The following CHRNB4 variants were observed in gnomAD, a reference collection of about 807,000 sequenced individuals.
CHRNB4 encodes the protein neuronal acetylcholine receptor subunit beta-4.
CHRNB4 carries 23 observed loss-of-function variants against 40.4 expected under a neutral mutation model. That is an observed-to-expected ratio of 0.57 (90% CI 0.41 to 0.81). The LOEUF (loss-of-function observed/expected upper bound fraction) is 0.81. Ranked by LOEUF, CHRNB4 falls within the 30% of genes least tolerant of loss-of-function variation. CHRNB4 has a pLI of 0.00. For missense variants in CHRNB4, 568 were observed against 670.6 expected, an observed-to-expected ratio of 0.85 and a Z score of 1.69; for synonymous variants, 285 against 274.4, an observed-to-expected ratio of 1.04 and a Z score of -0.38.
chr15:78,625,958 G>T, intron 5 of CHRNB4: 1 of 152,532 alleles, frequency 6.6e-6, no homozygotes, highest in Non-Finnish European at 1.5e-5. Flanking sequence ...CACTGGGGGA[G>T]AACCTAGAGA....
chr15:78,654,947 T>C (rs566293252), intron 5 of CHRNB4, among the ~76,000 whole-genome samples: 19 of 152,098 alleles, frequency 1.2e-4, no homozygotes, highest in African/African-American at 3.4e-4. Context: ...TTTAAGAGTT[T>C]CCCCCCACCC....
chr15:78,626,752 G>C (rs1238134369), intron 5 of CHRNB4: 1 of 152,214 alleles, frequency 6.6e-6, no homozygotes, highest in African/African-American at 2.4e-5. Flanking sequence ...TCCAGGGAGG[G>C]TTAGCAGTAA....
intron 2 of CHRNB4, among the ~76,000 whole-genome samples, chr15:78,632,300 CGTGT>C (rs368583386): frequency 7.0e-5 from 10 of 142,802 alleles, no homozygotes; most frequent in Admixed American, 4.4e-4. Context: ...TCTTTTCTTT[CGTGT>C]GTGTGTGTGT....
chr15:78,657,699 A>G (rs2054225642), intron 2 of CHRNB4, among the ~76,000 whole-genome samples: 1 of 151,328 alleles, frequency 6.6e-6, no homozygotes, highest in South Asian at 2.1e-4. Context: ...GACTACAGGC[A>G]CTCCCCACCA....
intron 5 of CHRNB4, among the ~76,000 whole-genome samples, chr15:78,652,831 C>T (rs1253946132): frequency 2.0e-5 from 3 of 152,116 alleles, no homozygotes; most frequent in Non-Finnish European, 2.9e-5. Flanking sequence ...TAGAGCATGT[C>T]GCAGTGATTT....
Position 78,631,334 on chromosome 15 carries a change from TG to T in CHRNB4, c.205-3del. 3 of 1,613,672 alleles carry T rather than the reference TG, an allele frequency of 1.9e-6. No homozygotes were observed. The highest frequency in any genetic ancestry group is 2.5e-6 in the Non-Finnish European group (3 of 1,179,928). On this transcript the variant is annotated splice_polypyrimidine_tract_variant and splice_region_variant and intron_variant, in intron 2 of 5. Coordinates refer to ENST00000261751, the MANE Select transcript of CHRNB4 (RefSeq NM_000750.5). ...GGTCATGATCTGCTCTCGCTCATTC[TG>T]GGGAGGGAAACGGGGCTATCAGTTC...
intron 1 of CHRNB4, among the ~76,000 whole-genome samples, chr15:78,659,095 A>G (rs1303829553): frequency 6.6e-6 from 1 of 152,112 alleles, no homozygotes; most frequent in African/African-American, 2.4e-5. Context: ...CCCTCATTCT[A>G]TGGGTGGTGG....
At chr15:78,640,970 G>T in intron 1 of CHRNB4, 109 bp downstream of exon 1, 1 of 1,262,672 alleles carries the variant, frequency 7.9e-7, no homozygotes, top group South Asian at 1.3e-5. Context: ...ACAATCTCGG[G>T]CCACTCCCCC....
At chr15:78,642,646 A>C (rs568048581), upstream of CHRNB4, among the ~76,000 whole-genome samples, 123 of 152,280 alleles carry the variant, frequency 8.1e-4, no homozygotes, top group African/African-American at 2.8e-3. Flanking sequence ...AAGGACATAA[A>C]ACCTGGAGGC....
At chr15:78,634,856 C>A (rs929583679) in intron 2 of CHRNB4, 2 of 443,150 alleles carry the variant, frequency 4.5e-6, no homozygotes, top group Admixed American at 4.8e-5. Flanking sequence ...AGCACCCCCA[C>A]CTCTGCCCCA....
At position 78,624,120 on chromosome 15, in the gene CHRNB4, C is replaced by A. The variant is rs2053599401; in HGVS notation, c.*1013G>T. Reference sequence around the variant, plus strand: ...GGGTAGGAGCCATTCATTCATTCAACAAACATTTATTGAGCACCTACTGTG... The same window carrying A: ...GGGTAGGAGCCATTCATTCATTCAAAAAACATTTATTGAGCACCTACTGTG... On this transcript the variant is annotated 3_prime_UTR_variant, in exon 6 of 6. Transcript: ENST00000261751. 6.6e-6 allele frequency: 1 copy of A among 152,218 alleles called. No homozygotes were observed. The highest frequency in any genetic ancestry group is 1.9e-4 in the East Asian group (1 of 5,194). The allele number at this position is 152,218 out of a possible 1,614,324, so 9.4% of individuals were successfully genotyped here.
At chr15:78,657,179 C>A (rs117937783) in intron 3 of CHRNB4, among the ~76,000 whole-genome samples, 2 of 152,096 alleles carry the variant, frequency 1.3e-5, no homozygotes, top group Non-Finnish European at 2.9e-5. Context: ...CACATGCCCC[C>A]ACGACTGGCT....
At chr15:78,639,805 G>GC (rs1335250682) in intron 1 of CHRNB4, among the ~76,000 whole-genome samples, 2 of 152,000 alleles carry the variant, frequency 1.3e-5, no homozygotes, top group African/African-American at 4.8e-5. Flanking sequence ...ACTGCCACTG[G>GC]CCCCCACACA....
At chr15:78,625,850 GTC>G (rs1435884720) in intron 5 of CHRNB4, 3 of 152,372 alleles carry the variant, frequency 2.0e-5, no homozygotes, top group South Asian at 2.1e-4. Context: ...CATCATTCAG[GTC>G]TCTCTGGTCT....
rs1349895149 is a variant in CHRNB4 at position 78,625,229 on chromosome 15, C to T, written c.1401G>A (p.Met467Ile). The change falls in exon 6 of 6, where the codon ATG becomes ATA. Residue 467 changes from methionine to isoleucine, a missense_variant. By Grantham distance (10) the Met-to-Ile change is conservative. This residue lies in a region of CHRNB4 where 242 missense variants were observed against 274.9 expected (regional missense o/e 0.88). Coordinates refer to ENST00000261751, the MANE Select transcript of CHRNB4 (RefSeq NM_000750.5). ...CCACAGTGCCCAGGACGCACACAAA[C>T]ATGAACACCCACAGGAACAGCCGGT... is the stretch of plus-strand genomic sequence containing the variant. Reference protein sequence around the residue: ...VVDRLFLWVFMFVCVLGTVGL... With the variant: ...VVDRLFLWVFIFVCVLGTVGL... 1 of 1,587,004 alleles carries T rather than the reference C, an allele frequency of 6.3e-7. No individual in the cohort carries two copies.
chr15:78,635,547 G>A lies in CHRNB4; in HGVS notation c.96C>T (p.Asp32=), dbSNP rs201949739. 93 of 1,614,140 alleles carry A rather than the reference G, an allele frequency of 5.8e-5. 1 individual carries two copies. The South Asian group carries it at 6.0e-4, about 10-fold the overall frequency. Residue 32 remains aspartate, a synonymous_variant, in exon 2 of 6, where the codon GAC becomes GAT. Coordinates refer to ENST00000261751, the MANE Select transcript of CHRNB4 (RefSeq NM_000750.5). ...RVANAEEKLM[D]DLLNKTRYNN... is the part of the protein sequence containing the mutation. ...TGTAACGGGTTTTGTTCAGAAGGTC[G>A]TCCATCAGCTTTTCCTCCGCATTGG...
At chr15:78,630,928 C>G in intron 4 of CHRNB4, 148 bp downstream of exon 4, 2 of 648,606 alleles carry the variant, frequency 3.1e-6, no homozygotes, top group Non-Finnish European at 2.7e-6. Context: ...CTCTGCTCAC[C>G]TCTGTTTCTC....
In CHRNB4 at chr15:78,629,363, G is replaced by A. The variant is rs764082448; in HGVS notation, c.942C>T (p.Val314=). 5.0e-6 allele frequency: 8 copies of A among 1,614,134 alleles called. No homozygotes were observed. Among genetic ancestry groups the A allele is most frequent in the South Asian group, 3.3e-5 (3 of 91,076 alleles). The change falls in exon 5 of 6, where the codon GTC becomes GTT. Residue 314 remains valine, a synonymous_variant. Transcript: ENST00000261751. The surrounding 1 kb of genome is among the most constrained non-coding windows in gnomAD (Gnocchi z 6.8). ...AGCGGTGGTGCACATTGAGCACACA[G>A]ACGCTGGTGACGATGGAGAAGGTGA... is the stretch of plus-strand genomic sequence containing the variant. ...VLVTFSIVTS[V]CVLNVHHRSP...
intron 5 of CHRNB4, among the ~76,000 whole-genome samples, chr15:78,653,101 C>T (rs2054186664): frequency 6.6e-6 from 1 of 152,188 alleles, no homozygotes; most frequent in African/African-American, 2.4e-5. Flanking sequence ...CACACCACCC[C>T]TTCCTTCTCT....
Sources: allele counts gnomAD v4.1 joint callset (sites outside exome capture counted in the v4.1 genomes callset), GRCh38; gene constraint gnomAD v4.1.1; regional missense constraint gnomAD v4.1.1; non-coding constraint Gnocchi (gnomAD v3.1); transcripts MANE v1.5; gene names NCBI Gene and HGNC (gene_info 2026-07-23, HGNC 2026-07-21).